SDSL: variants seen among roughly 807,000 people sequenced by gnomAD.
SDSL encodes serine dehydratase-like.
Under a neutral mutation model 27.6 loss-of-function variants are expected in SDSL, and 26 were observed. The observed-to-expected ratio is 0.94, with a 90% CI of 0.69 to 1.31. The LOEUF (loss-of-function observed/expected upper bound fraction) is 1.31. Ranked by LOEUF, SDSL falls within the 50% of genes most tolerant of loss-of-function variation. The pLI is 0.00. For missense variants in SDSL, 431 were observed against 423.5 expected (o/e 1.02, Z -0.16); for synonymous variants, 196 against 180.6 (o/e 1.09, Z -0.69).
rs147223783 is a variant in SDSL, at chr12:113,438,039, G to A, written c.950G>A (p.Arg317Gln). The change falls in exon 8 of 8, where the codon CGA becomes CAA. Residue 317 changes from arginine to glutamine, a missense_variant. Coordinates refer to ENST00000403593, the MANE Select transcript of SDSL (RefSeq NM_001304993.2). ...TGTGGAGGCAACAACATCAACAGCC[G>A]AGAGCTGCAGGCTTTGAAAACCCAC... The part of the protein sequence containing the change: ...IVCGGNNINS[R>Q]ELQALKTHLG... 34 of 1,613,980 alleles carry A rather than the reference G, an allele frequency of 2.1e-5. No homozygotes were observed. The highest frequency in any genetic ancestry group is 1.6e-4 in the Middle Eastern group (1 of 6,082).
At chr12:113,430,137 T>C (rs1049669954) in intron 4 of SDSL, among the ~76,000 whole-genome samples, 2 of 129,016 alleles carry the variant, frequency 1.6e-5, no homozygotes, top group African/African-American at 7.0e-5. Context: ...CATCCATCCA[T>C]CCACCCATCC....
chr12:113,436,664 G>T (rs577249118), intron 6 of SDSL, 87 bp from the exon 7 acceptor site: 7 of 1,341,418 alleles, frequency 5.2e-6, no homozygotes, highest in Non-Finnish European at 2.9e-6. Flanking sequence ...AGGATGGGAG[G>T]GGGTGGCTGG....
chr12:113,429,665 C>T lies in SDSL; in HGVS notation c.354+366C>T, dbSNP rs996901196. On this transcript the variant is annotated intron_variant, in intron 4 of 7. Coordinates refer to ENST00000403593, the MANE Select transcript of SDSL (RefSeq NM_001304993.2). ...TCAAGATGATGGCAGCATTAGTTCTCATTCTGAGACCACCCCAATAGAAAT... is the reference window on the plus strand; with the variant it reads ...TCAAGATGATGGCAGCATTAGTTCTTATTCTGAGACCACCCCAATAGAAAT... Among the ~76,000 whole-genome samples, 30 of 152,176 alleles carry T rather than the reference C, an allele frequency of 2.0e-4. 1 individual carries two copies. The highest frequency in any genetic ancestry group is 4.3e-4 in the Non-Finnish European group (29 of 68,038).
chr12:113,432,444 C>A (rs559549789), intron 4 of SDSL, among the ~76,000 whole-genome samples: 1 of 152,140 alleles, frequency 6.6e-6, no homozygotes, highest in East Asian at 1.9e-4. Flanking sequence ...CGGGTTCAAG[C>A]GATTCCGCTG....
chr12:113,437,089 G>A, intron 7 of SDSL: 1 of 360,776 alleles, frequency 2.8e-6, no homozygotes, highest in Non-Finnish European at 4.9e-6. Context: ...TTTCATACAT[G>A]CTGCTCCTCT....
In SDSL at chr12:113,429,258, A is replaced by T. The variant is rs1244522018; in HGVS notation, c.313A>T (p.Arg105Trp). 1 of 1,613,204 alleles carries T rather than the reference A, an allele frequency of 6.2e-7. No homozygotes were observed. The highest frequency in any genetic ancestry group is 8.5e-7 in the Non-Finnish European group (1 of 1,179,394). The change falls in exon 4 of 8, where the codon AGG becomes TGG. Residue 105 changes from arginine (R) to tryptophan (W), a missense_variant. Coordinates refer to ENST00000403593, the MANE Select transcript of SDSL (RefSeq NM_001304993.2). ...GAGCACCTCCCTGCAGGTGGTGCAG[A>T]GGCTGCAGGGGGAGGGGGCCGAGGT... ...PESTSLQVVQ[R>W]LQGEGAEVQL...
chr12:113,435,525 G>T lies in SDSL; in HGVS notation c.640G>T (p.Gly214Cys). 1 of 1,613,830 alleles carries T rather than the reference G, an allele frequency of 6.2e-7. No homozygotes were observed. Residue 214 changes from glycine (G) to cysteine (C), a missense_variant, in exon 6 of 8, where the codon GGC becomes TGC. Physicochemically the swap from Gly to Cys is radical, Grantham distance 159. Transcript: ENST00000403593. ...AHCFNAAITA[G>C]KLVTLPDITS... The stretch of plus-strand genomic sequence containing the variant: ...CTGCTTCAATGCGGCCATCACAGCC[G>T]GCAAGCTGGTCACACTTCCAGACAT...
chr12:113,431,599 A>T, intron 4 of SDSL, among the ~76,000 whole-genome samples: 1 of 149,264 alleles, frequency 6.7e-6, no homozygotes. Context: ...TTTGAGACAG[A>T]GTCTTATTCT....
At position 113,436,776 on chromosome 12, in the gene SDSL, A is replaced by G; in HGVS notation, c.697A>G (p.Thr233Ala). The change falls in exon 7 of 8, where the codon ACG becomes GCG. Residue 233 changes from threonine (T) to alanine (A), a missense_variant. Coordinates refer to ENST00000403593, the MANE Select transcript of SDSL (RefSeq NM_001304993.2). ...TSVAKSLGAK[T>A]VAARALECMQ... ...TGTGGCCAAGAGCCTGGGTGCCAAGACGGTGGCCGCTCGGGCCCTGGAGTG... is the reference window on the plus strand; with the variant it reads ...TGTGGCCAAGAGCCTGGGTGCCAAGGCGGTGGCCGCTCGGGCCCTGGAGTG... 1.2e-6 allele frequency: 2 copies of G among 1,610,302 alleles called. No homozygotes were observed. The highest frequency in any genetic ancestry group is 2.2e-5 in the South Asian group (2 of 90,756).
At chr12:113,431,577 GTTT>G (rs780942889) in intron 4 of SDSL, among the ~76,000 whole-genome samples, 2 of 141,920 alleles carry the variant, frequency 1.4e-5, no homozygotes, top group Non-Finnish European at 1.5e-5. Context: ...ACAGGTAGTT[GTTT>G]TTTTTTTTTT....
intron 4 of SDSL, among the ~76,000 whole-genome samples, chr12:113,432,300 C>CTT (rs1294346185): frequency 4.2e-5 from 6 of 144,462 alleles, no homozygotes; most frequent in Non-Finnish European, 6.0e-5. Context: ...TTCTCTCTCT[C>CTT]TCTTTCTGTC....
At chr12:113,425,201 G>A (rs1957833143) in intron 1 of SDSL, among the ~76,000 whole-genome samples, 1 of 152,218 alleles carries the variant, frequency 6.6e-6, no homozygotes, top group African/African-American at 2.4e-5. Flanking sequence ...CGACCCCAAA[G>A]CCTGTGCTCT....
intron 1 of SDSL, chr12:113,426,190 C>T (rs1345773863): frequency 1.5e-5 from 7 of 455,914 alleles, no homozygotes; most frequent in Non-Finnish European, 2.6e-5. Flanking sequence ...CGCGGCACCC[C>T]AAAGTGCATT....
chr12:113,426,099 C>T (rs1957847078), intron 1 of SDSL: 1 of 445,356 alleles, frequency 2.2e-6, no homozygotes, highest in Non-Finnish European at 4.5e-6. Context: ...TGGGCGGGAA[C>T]CCCCTGCTGG....
At position 113,435,495 on chromosome 12, in the gene SDSL, G is replaced by T; in HGVS notation, c.610G>T (p.Ala204Ser). ...VPIIAMETHGAHCFNAAITAG... is the reference protein window; with the variant it reads ...VPIIAMETHGSHCFNAAITAG... ...CATCATTGCCATGGAGACCCATGGG[G>T]CACACTGCTTCAATGCGGCCATCAC... The change falls in exon 6 of 8, where the codon GCA becomes TCA. Residue 204 changes from alanine to serine, a missense_variant. Physicochemically the swap from Ala to Ser is moderately conservative, Grantham distance 99. Transcript: ENST00000403593. 6.2e-7 allele frequency: 1 copy of T among 1,614,142 alleles called. No individual in the cohort carries two copies. Among genetic ancestry groups the T allele is most frequent in the Non-Finnish European group, 8.5e-7 (1 of 1,179,998 alleles).
At chr12:113,431,951 T>C (rs972235039) in intron 4 of SDSL, among the ~76,000 whole-genome samples, 1 of 150,868 alleles carries the variant, frequency 6.6e-6, no homozygotes, top group Admixed American at 6.6e-5. Flanking sequence ...GAGACAGGAT[T>C]TCACCATGTT....
intron 1 of SDSL, among the ~76,000 whole-genome samples, chr12:113,425,500 AG>A (rs1001152431): frequency 1.3e-5 from 2 of 152,192 alleles, no homozygotes; most frequent in African/African-American, 4.8e-5. Context: ...GTGAGTGGGC[AG>A]GGGAAGTTGC....
intron 2 of SDSL, 75 bp from the exon 3 acceptor site, chr12:113,428,345 C>T: frequency 6.8e-7 from 1 of 1,475,408 alleles, no homozygotes; most frequent in Non-Finnish European, 9.3e-7. Flanking sequence ...GATGGGGAGA[C>T]TCTAACGCCA....
chr12:113,423,087 G>A (rs547668162), intron 1 of SDSL, among the ~76,000 whole-genome samples: 2 of 152,312 alleles, frequency 1.3e-5, no homozygotes, highest in South Asian at 4.1e-4. Context: ...TGCCTGATGG[G>A]GTCTGGGGTT....
Sources: gnomAD v4.1 joint callset for allele counts (sites outside exome capture counted in the v4.1 genomes callset) on GRCh38, gnomAD v4.1.1 for gene constraint, MANE v1.5 for transcripts, NCBI Gene and HGNC (gene_info 2026-07-23, HGNC 2026-07-21) for gene names.